Variants in TERB1 observed in about 807,000 individuals in gnomAD.
TERB1 encodes telomere repeats-binding bouquet formation protein 1.
TERB1 carries 63 observed loss-of-function variants against 92.3 expected under a neutral mutation model. The ratio of observed to expected loss-of-function variants is 0.68; its 90% CI spans 0.56 to 0.84. The LOEUF (loss-of-function observed/expected upper bound fraction) is 0.84. Among genes scored for constraint, TERB1 ranks in the 40% least tolerant of loss-of-function variants. The pLI is 0.00. For synonymous variants in TERB1, 252 were observed against 283.9 expected, an observed-to-expected ratio of 0.89 and a Z score of 1.13; for missense variants, 709 against 843.7, an observed-to-expected ratio of 0.84 and a Z score of 1.98.
At chr16:66,789,017 CAAAAAAAAAA>C (rs57876042) in intron 5 of TERB1, among the ~76,000 whole-genome samples, 2 of 68,330 alleles carry the variant, frequency 2.9e-5, no homozygotes, top group African/African-American at 9.8e-5. Flanking sequence ...GGTATGGTAC[CAAAAAAAAAA>C]AAAAAAAAAA....
rs986164053 is a variant in TERB1, at chr16:66,765,710, G to A, written c.1780+1705C>T. On this transcript the variant is annotated intron_variant, in intron 16 of 18. Coordinates refer to ENST00000433154, the MANE Select transcript of TERB1 (RefSeq NM_001136505.2). ...TGAGCTCAGGTAATCCACCCGCCTCGGCCTCCCAAAGTGCTAGGATTACAG... is the reference window on the plus strand; with the variant it reads ...TGAGCTCAGGTAATCCACCCGCCTCAGCCTCCCAAAGTGCTAGGATTACAG... 6.6e-5 allele frequency among the ~76,000 whole-genome samples: 10 copies of A among 151,444 alleles called. No individual in the cohort carries two copies. The South Asian group carries it at 8.3e-4, about 13-fold the overall frequency.
chr16:66,794,588 T>C (rs1294036878), intron 3 of TERB1, among the ~76,000 whole-genome samples: 1 of 151,860 alleles, frequency 6.6e-6, no homozygotes, highest in Non-Finnish European at 1.5e-5. Flanking sequence ...CTGAATAAAA[T>C]AAACCAGCAA....
rs1196733672 is a variant in TERB1 at position 66,790,629 on chromosome 16, G to A, written c.237C>T (p.Ala79=). 2.6e-6 allele frequency: 4 copies of A among 1,549,500 alleles called. No homozygotes were observed. The Admixed American group carries it at 7.8e-5, about 30-fold the overall frequency. Residue 79 remains alanine (A), a synonymous_variant, in exon 5 of 19, where the codon GCC becomes GCT. Transcript: ENST00000433154. ...SSEHSMVKEA[A]LYTLGAIAEK... is the part of the protein sequence containing the mutation. ...CTGCAATAGCTCCTAATGTATATAA[G>A]GCTGCTTCTTTTACCATGCTATGTT...
At chr16:66,773,052 G>T (rs570306540) in intron 12 of TERB1, among the ~76,000 whole-genome samples, 2 of 151,950 alleles carry the variant, frequency 1.3e-5, no homozygotes, top group African/African-American at 2.4e-5. Flanking sequence ...TTTTAGGCCC[G>T]GCACAGTGGC....
intron 5 of TERB1, among the ~76,000 whole-genome samples, chr16:66,789,065 G>C (rs2018776883): frequency 7.0e-6 from 1 of 142,336 alleles, no homozygotes; most frequent in East Asian, 2.1e-4. Flanking sequence ...CTTACTATTT[G>C]ATAGCATAAC....
chr16:66,760,466 A>AAAAAAAAAAAG (rs2018219866), intron 16 of TERB1, among the ~76,000 whole-genome samples: 1 of 71,628 alleles, frequency 1.4e-5, no homozygotes, highest in Non-Finnish European at 2.4e-5. Flanking sequence ...CAAAAAAAAA[A>AAAAAAAAAAAG]AAAAGAAAAG....
Position 66,770,318 on chromosome 16 carries a change from TAAA to T in TERB1, c.1273-12_1273-10del, listed in dbSNP as rs1037581665. The T allele has an allele frequency of 2.7e-6, 4 of 1,456,216 alleles. No individual in the cohort carries two copies. The African/African-American group carries it at 5.7e-5, about 21-fold the overall frequency. The allele number at this position is 1,456,216 out of a possible 1,614,324, so 90.2% of individuals were successfully genotyped here. A position where few individuals can be genotyped will look rare whatever the true frequency, so the allele number is the denominator to read the frequency against. On this transcript the variant is annotated splice_polypyrimidine_tract_variant and intron_variant, in intron 13 of 18. Transcript: ENST00000433154. ...TCTCTTTGTATTTCTTCCTATAGTG[TAAA>T]AATGACAAATAATTTCAATATAATC...
intron 6 of TERB1, among the ~76,000 whole-genome samples, chr16:66,787,648 T>C (rs1408709364): frequency 6.6e-6 from 1 of 152,210 alleles, no homozygotes; most frequent in East Asian, 1.9e-4. Flanking sequence ...ATAAACTAAT[T>C]CATTAAATGC....
chr16:66,770,660 C>CA (rs2018432042), intron 13 of TERB1, among the ~76,000 whole-genome samples: 1 of 151,686 alleles, frequency 6.6e-6, no homozygotes, highest in African/African-American at 2.4e-5. Flanking sequence ...AAGTATTACC[C>CA]AAAATTAAAT....
intron 18 of TERB1, 24 bp from the exon 19 acceptor site, chr16:66,755,187 A>G: frequency 1.4e-6 from 2 of 1,405,176 alleles, no homozygotes; most frequent in Admixed American, 4.1e-5. Context: ...TGTAGAATAT[A>G]TTAGTATTTG....
chr16:66,760,900 T>G (rs1382639033), intron 16 of TERB1, among the ~76,000 whole-genome samples: 1 of 132,516 alleles, frequency 7.5e-6, no homozygotes, highest in Non-Finnish European at 1.6e-5. Flanking sequence ...GATCACAAGG[T>G]CAGGAGTTCG....
At position 66,754,710 on chromosome 16, in the gene TERB1, T is replaced by C; in HGVS notation, c.*266A>G. On this transcript the variant is annotated 3_prime_UTR_variant, in exon 19 of 19. Coordinates refer to ENST00000433154, the MANE Select transcript of TERB1 (RefSeq NM_001136505.2). ...GGCTAATTCTTTTCTCTGTGTCCTT[T>C]AAGCTTAAGGAAAAATAAAAGCATA... is the stretch of plus-strand genomic sequence containing the variant. 2.6e-6 allele frequency: 1 copy of C among 390,336 alleles called. No individual in the cohort carries two copies. Among genetic ancestry groups the C allele is most frequent in the South Asian group, 4.6e-5 (1 of 21,604 alleles). 24.2% of individuals were successfully genotyped at this position (390,336 alleles called of 1,614,324 possible).
chr16:66,799,844 G>A (rs1208109000), intron 2 of TERB1, among the ~76,000 whole-genome samples: 2 of 152,168 alleles, frequency 1.3e-5, no homozygotes. Flanking sequence ...AGTGCTTTTA[G>A]TAATTTAGTG....
intron 14 of TERB1, 144 bp from the exon 15 acceptor site, chr16:66,768,312 T>G (rs2018385067): frequency 1.6e-6 from 1 of 642,408 alleles, no homozygotes; most frequent in Non-Finnish European, 2.7e-6. Flanking sequence ...TCTACCAAAT[T>G]CTGCCAACGT....
chr16:66,777,060 C>G (rs1246220143), intron 11 of TERB1, 143 bp downstream of exon 11: 4 of 674,854 alleles, frequency 5.9e-6, no homozygotes, highest in Middle Eastern at 8.1e-4. Flanking sequence ...GAATTAGGAG[C>G]TGAAATGACT....
chr16:66,775,425 G>C (rs996092942), intron 11 of TERB1, among the ~76,000 whole-genome samples, 182 bp from the exon 12 acceptor site: 3 of 152,030 alleles, frequency 2.0e-5, no homozygotes, highest in Non-Finnish European at 4.4e-5. Flanking sequence ...CTTGAGGTCA[G>C]GAGTTCAAGA....
chr16:66,755,212 T>C, intron 18 of TERB1, 49 bp from the exon 19 acceptor site: 1 of 1,183,518 alleles, frequency 8.4e-7, no homozygotes, highest in Non-Finnish European at 1.2e-6. Flanking sequence ...ACAAAGGTCC[T>C]GAGATGCAAA....
At chr16:66,759,872 A>T (rs2018203149) in intron 16 of TERB1, among the ~76,000 whole-genome samples, 1 of 149,400 alleles carries the variant, frequency 6.7e-6, no homozygotes, top group Admixed American at 6.7e-5. Flanking sequence ...GCAGTGGCTC[A>T]CGCTGTAATT....
At position 66,770,187 on chromosome 16, in the gene TERB1, A is replaced by G; in HGVS notation, c.1395T>C (p.Asp465=). Residue 465 remains aspartate, a synonymous_variant, in exon 14 of 19, where the codon GAT becomes GAC. Coordinates refer to ENST00000433154, the MANE Select transcript of TERB1 (RefSeq NM_001136505.2). ...TCTGTAACTGTCTAGAATGGCTTTT[A>G]TCCTCATCTTCTGCTTTGCTACCTC... ...IGRGSKAEDE[D]KSHSRQLQSY... 1 of 1,552,318 alleles carries G rather than the reference A, an allele frequency of 6.4e-7. No individual in the cohort carries two copies. Among genetic ancestry groups the G allele is most frequent in the Non-Finnish European group, 8.7e-7 (1 of 1,147,136 alleles).
Sources: allele counts gnomAD v4.1 joint callset (sites outside exome capture counted in the v4.1 genomes callset), GRCh38; gene constraint gnomAD v4.1.1; transcripts MANE v1.5; gene names NCBI Gene and HGNC (gene_info 2026-07-23, HGNC 2026-07-21).